The following DUOX1 variants were observed in gnomAD, a reference collection of about 807,000 sequenced individuals.
DUOX1 encodes dual oxidase 1.
A neutral mutation model predicts 181.8 loss-of-function variants in DUOX1; 134 were observed. The ratio of observed to expected loss-of-function variants is 0.74; its 90% CI spans 0.64 to 0.85. The LOEUF is 0.85. DUOX1 is among the 40% of genes least tolerant of loss of function. The probability of loss-of-function intolerance (pLI) is 0.00; values close to 1 mark genes in which losing one functional copy is unlikely to be tolerated. For missense variants in DUOX1, 1,814 were observed against 2,064.4 expected, an observed-to-expected ratio of 0.88 and a Z score of 2.35; for synonymous variants, 798 against 832.5, an observed-to-expected ratio of 0.96 and a Z score of 0.71.
chr15:45,153,098 G>T, intron 25 of DUOX1: 1 of 393,868 alleles, frequency 2.5e-6, no homozygotes, highest in Non-Finnish European at 4.6e-6. Flanking sequence ...GCACATGCCG[G>T]TAATCCCAGC....
At chr15:45,133,623 T>C (rs56800765) in intron 2 of DUOX1, among the ~76,000 whole-genome samples, 2 of 152,322 alleles carry the variant, frequency 1.3e-5, no homozygotes, top group East Asian at 3.9e-4. Context: ...CTCTGCTCCC[T>C]GCTCCACTGC....
At chr15:45,137,315 G>A (rs867193562) in intron 9 of DUOX1, among the ~76,000 whole-genome samples, 15 of 127,310 alleles carry the variant, frequency 1.2e-4, no homozygotes, top group East Asian at 7.6e-4. Context: ...AGCCAAGATC[G>A]TGTCATTGCA....
At chr15:45,143,094 C>A in intron 15 of DUOX1, 96 bp from the exon 16 acceptor site, 1 of 882,424 alleles carries the variant, frequency 1.1e-6, no homozygotes, top group Non-Finnish European at 1.8e-6. Flanking sequence ...GAGGTGGGGA[C>A]AATAGGTGGT....
intron 31 of DUOX1, 118 bp from the exon 32 acceptor site, chr15:45,163,414 C>A: frequency 7.0e-7 from 1 of 1,434,648 alleles, no homozygotes; most frequent in Non-Finnish European, 9.4e-7. Flanking sequence ...TCTCCCCAGG[C>A]TGTCTAGGGA....
intron 32 of DUOX1, 40 bp downstream of exon 32, chr15:45,163,727 C>CT (rs1897161648): frequency 6.2e-7 from 1 of 1,613,654 alleles, no homozygotes; most frequent in African/African-American, 1.3e-5. Flanking sequence ...GGGCCACTGT[C>CT]TGAGCTAGGA....
At chr15:45,147,850 G>T (rs1896694727) in intron 19 of DUOX1, 54 bp from the exon 20 acceptor site, 1 of 1,558,366 alleles carries the variant, frequency 6.4e-7, no homozygotes. Context: ...TGGCCAGCCT[G>T]GGGGTTCAGG....
rs762540727 is a variant in DUOX1 at position 45,151,911 on chromosome 15, C to G, written c.3052C>G (p.His1018Asp). 1.9e-6 allele frequency: 3 copies of G among 1,613,806 alleles called. No individual in the cohort carries two copies. Residue 1018 changes from histidine to aspartate, a missense_variant, in exon 24 of 34, where the codon CAC (histidine) becomes GAC (aspartate). His to Asp is a moderately conservative substitution (Grantham distance 81, BLOSUM62 -1). This residue lies in a region of DUOX1 where 1,064 missense variants were observed against 1,152.9 expected (regional missense o/e 0.92). Transcript: ENST00000389037. ...CCAGCCCTTGCTGTTCACTGAGGCGCACCGAGAGAAGTTCCAACGCAGCTG... is the reference window on the plus strand; with the variant it reads ...CCAGCCCTTGCTGTTCACTGAGGCGGACCGAGAGAAGTTCCAACGCAGCTG... ...SFQPLLFTEA[H>D]REKFQRSCLH...
At chr15:45,153,590 C>T (rs995227439) in intron 26 of DUOX1, 111 bp downstream of exon 26, 2 of 1,157,242 alleles carry the variant, frequency 1.7e-6, no homozygotes, top group Non-Finnish European at 2.6e-6. Context: ...AATTATCTGG[C>T]TCCAGAGGAG....
At chr15:45,134,982 C>A in intron 4 of DUOX1, 122 bp from the exon 5 acceptor site, 4 of 1,186,082 alleles carry the variant, frequency 3.4e-6, no homozygotes, top group South Asian at 1.5e-5. Flanking sequence ...AGGGCTTGGA[C>A]TTGCCCATAA....
intron 28 of DUOX1, among the ~76,000 whole-genome samples, chr15:45,159,748 T>C (rs907361776): frequency 2.6e-5 from 4 of 152,208 alleles, no homozygotes; most frequent in African/African-American, 9.7e-5. Flanking sequence ...ACAGTTACTG[T>C]GTGCCTATCA....
At chr15:45,141,234 G>A in intron 13 of DUOX1, 58 bp from the exon 14 acceptor site, 1 of 1,597,222 alleles carries the variant, frequency 6.3e-7, no homozygotes, top group Non-Finnish European at 8.6e-7. Context: ...TGGGCCTGGG[G>A]TTGCTGGAGG....
In DUOX1 at chr15:45,164,900, A is replaced by G; in HGVS notation, c.4655A>G (p.Ter1552TrpextTer12). The change falls in exon 34 of 34, where the codon TAG becomes TGG. Residue 1552 changes from the stop codon to tryptophan (W), a stop_lost. Transcript: ENST00000389037. ...THFSHHYENF[*>W] is the part of the protein sequence containing the mutation. ...TTCTCCCACCATTATGAGAACTTCT[A>G]GGCCCCTGCCCGGGGGTTCTGCCCA... The G allele has an allele frequency of 6.2e-7, 1 of 1,614,038 alleles. No individual in the cohort carries two copies. The highest frequency in any genetic ancestry group is 1.1e-5 in the South Asian group (1 of 91,074).
intron 28 of DUOX1, 128 bp downstream of exon 28, chr15:45,156,057 C>A: frequency 7.7e-7 from 1 of 1,307,148 alleles, no homozygotes; most frequent in South Asian, 1.4e-5. Flanking sequence ...CTCGACGTCC[C>A]TCTTTGAAGG....
At chr15:45,139,795 T>C in intron 12 of DUOX1, 196 bp downstream of exon 12, 1 of 679,372 alleles carries the variant, frequency 1.5e-6, no homozygotes, top group Non-Finnish European at 2.4e-6. Flanking sequence ...GGCTTTGCAC[T>C]CGGATTGTTC....
chr15:45,152,071 C>T lies in DUOX1; in HGVS notation c.3193+19C>T. 1 of 1,610,740 alleles carries T rather than the reference C, an allele frequency of 6.2e-7. No individual in the cohort carries two copies. The highest frequency in any genetic ancestry group is 8.5e-7 in the Non-Finnish European group (1 of 1,177,724). ...GCCTACTGTGAGTGACTTTACTTAC[C>T]ACGAGCCCTGTCCCTAGGCTTGCAA... On this transcript the variant is annotated intron_variant, in intron 24 of 33. Transcript: ENST00000389037.
intron 28 of DUOX1, among the ~76,000 whole-genome samples, chr15:45,158,556 G>A (rs894078086): frequency 6.6e-6 from 1 of 151,916 alleles, no homozygotes; most frequent in East Asian, 1.9e-4. Flanking sequence ...AAAAAAATTA[G>A]CCGGGAGTGG....
intron 23 of DUOX1, 110 bp downstream of exon 23, chr15:45,151,358 G>C (rs1470750938): frequency 7.1e-7 from 1 of 1,416,218 alleles, no homozygotes; most frequent in Non-Finnish European, 9.6e-7. Flanking sequence ...TACAGGCAGG[G>C]TGAATAGTCC....
At chr15:45,161,088 A>G (rs113295326) in intron 29 of DUOX1, 98 bp downstream of exon 29, 8 of 1,548,436 alleles carry the variant, frequency 5.2e-6, no homozygotes, top group Non-Finnish European at 7.0e-6. Context: ...GGCCCAGTGG[A>G]GCTGGCAGGT....
At chr15:45,142,185 TGAC>T in intron 15 of DUOX1, 73 bp downstream of exon 15, 1 of 1,539,482 alleles carries the variant, frequency 6.5e-7, no homozygotes, top group Non-Finnish European at 8.8e-7. Context: ...GTTCCACTAA[TGAC>T]AACAAACCAC....
Sources: allele counts gnomAD v4.1 joint callset (sites outside exome capture counted in the v4.1 genomes callset), GRCh38; gene constraint gnomAD v4.1.1; regional missense constraint gnomAD v4.1.1; transcripts MANE v1.5; gene names NCBI Gene and HGNC (gene_info 2026-07-23, HGNC 2026-07-21).